The following GABRA3 variants were observed in gnomAD, a reference collection of about 807,000 sequenced individuals.
The protein encoded by GABRA3 is gamma-aminobutyric acid receptor subunit alpha-3.
A neutral mutation model predicts 30.1 loss-of-function variants in GABRA3; 10 were observed. The observed-to-expected ratio is 0.33, with a 90% CI of 0.20 to 0.56. The LOEUF (loss-of-function observed/expected upper bound fraction) is 0.56, where lower values mean the gene tolerates loss of function less well. Among genes scored for constraint, GABRA3 ranks in the 20% least tolerant of loss-of-function variants. The pLI is 0.89. For synonymous variants in GABRA3, 151 were observed against 146.8 expected (o/e 1.03, Z -0.21); for missense variants, 233 against 392.0 (o/e 0.59, Z 3.42).
chrX:152,208,394 T>C (rs1186198687), intron 6 of GABRA3, among the ~76,000 whole-genome samples: 2 of 112,047 alleles, frequency 1.8e-5, no homozygotes, highest in Admixed American at 1.9e-4. Context: ...CATACTTCAA[T>C]GACTGTCTTC....
At chrX:152,361,503 A>T (rs146677999) in intron 2 of GABRA3, among the ~76,000 whole-genome samples, 1,892 of 105,197 alleles carry the variant, frequency 0.018, 21 homozygotes, top group Non-Finnish European at 0.028. Context: ...AACCCAGGAC[A>T]CGGAAGTTGC....
chrX:152,398,164 G>T (rs1389377908), intron 1 of GABRA3, among the ~76,000 whole-genome samples: 1 of 111,401 alleles, frequency 9.0e-6, no homozygotes, highest in Non-Finnish European at 1.9e-5. Flanking sequence ...TCCCAAGCAT[G>T]CCTAAGTCCT....
intron 9 of GABRA3, among the ~76,000 whole-genome samples, chrX:152,172,951 T>TACACACACACAC (rs58184376): frequency 4.9e-5 from 5 of 102,605 alleles, no homozygotes; most frequent in African/African-American, 1.8e-4. Context: ...CGAGTATGTG[T>TACACACACACAC]ACACACACAC....
intron 5 of GABRA3, among the ~76,000 whole-genome samples, chrX:152,245,838 G>A (rs921382138): frequency 7.2e-5 from 8 of 111,457 alleles, no homozygotes; most frequent in African/African-American, 2.0e-4. Flanking sequence ...AGTCTTAGAC[G>A]TTACCACATA....
chrX:152,238,636 GT>G (rs1938283859), intron 5 of GABRA3, among the ~76,000 whole-genome samples: 1 of 108,837 alleles, frequency 9.2e-6, no homozygotes, highest in Admixed American at 9.8e-5. Flanking sequence ...ACTCTTTTTG[GT>G]TGGTAAACTA....
chrX:152,324,702 A>G (rs1940024710), intron 3 of GABRA3, among the ~76,000 whole-genome samples: 1 of 111,897 alleles, frequency 8.9e-6, no homozygotes, highest in African/African-American at 3.2e-5. Context: ...ACAGATAAAA[A>G]TTATAGTCAA....
rs747309033 is a variant in GABRA3, at chrX:152,241,975, C to T, written c.551+13803G>A. On this transcript the variant is annotated intron_variant, in intron 5 of 9. Transcript: ENST00000370314. Reference sequence around the variant, plus strand: ...GAAATCACCCGTCTTCTGCGTCGCTCACGCTGGGAGCTGTAGACCGGAGCT... The same window carrying T: ...GAAATCACCCGTCTTCTGCGTCGCTTACGCTGGGAGCTGTAGACCGGAGCT... Among the ~76,000 whole-genome samples the T allele has an allele frequency of 1.7e-4, 19 of 111,872 alleles. No homozygotes were observed. The East Asian group carries it at 4.6e-3, about 27-fold the overall frequency.
rs769196692 is a variant in GABRA3, at chrX:152,375,150, C to T, written c.-26-10554G>A. Among the ~76,000 whole-genome samples, 42 of 111,454 alleles carry T rather than the reference C, an allele frequency of 3.8e-4. 1 individual carries two copies. In the South Asian group the frequency reaches 0.015, roughly 39 times the overall value. The stretch of plus-strand genomic sequence containing the variant: ...AAACTACTTTAAAATTAATATGGAA[C>T]CAAAAAAGAGCCCAAATAGTTAATC... On this transcript the variant is annotated intron_variant, in intron 1 of 9. Transcript: ENST00000370314.
At chrX:152,259,270 C>G (rs1446574746) in intron 4 of GABRA3, among the ~76,000 whole-genome samples, 1 of 111,519 alleles carries the variant, frequency 9.0e-6, no homozygotes, top group African/African-American at 3.3e-5. Context: ...GCTCTGGAGC[C>G]CTAAGTAAAC....
chrX:152,231,274 T>TATATACAC (rs1394361511), intron 5 of GABRA3, among the ~76,000 whole-genome samples: 7 of 101,578 alleles, frequency 6.9e-5, no homozygotes, highest in Admixed American at 5.6e-4. Context: ...TATACACGTA[T>TATATACAC]ATATGTATAC....
intron 1 of GABRA3, among the ~76,000 whole-genome samples, chrX:152,432,412 A>G (rs1156772263): frequency 8.9e-6 from 1 of 111,732 alleles, no homozygotes; most frequent in Admixed American, 9.5e-5. Flanking sequence ...AACAAAAAGC[A>G]AACTTTAAAA....
chrX:152,378,299 G>C (rs1432501897), intron 1 of GABRA3, among the ~76,000 whole-genome samples: 1 of 111,676 alleles, frequency 9.0e-6, no homozygotes, highest in African/African-American at 3.2e-5. Flanking sequence ...TTCAGATATT[G>C]AATTTATCAG....
At chrX:152,236,680 T>C (rs1490750728) in intron 5 of GABRA3, among the ~76,000 whole-genome samples, 3 of 106,944 alleles carry the variant, frequency 2.8e-5, no homozygotes, top group Admixed American at 1.0e-4. Flanking sequence ...TTTTAATGAT[T>C]GCCATTCTAA....
At chrX:152,321,989 T>C (rs772350303) in intron 3 of GABRA3, among the ~76,000 whole-genome samples, 7 of 111,912 alleles carry the variant, frequency 6.3e-5, no homozygotes, top group Admixed American at 4.8e-4. Flanking sequence ...ATTCCACTCC[T>C]AGGTATAAAA....
intron 5 of GABRA3, among the ~76,000 whole-genome samples, chrX:152,254,370 T>C (rs922104260): frequency 9.1e-6 from 1 of 110,386 alleles, no homozygotes; most frequent in Non-Finnish European, 1.9e-5. Flanking sequence ...ATCTTATCCT[T>C]TGTCTTCTCA....
chrX:152,400,241 G>A (rs936481881), intron 1 of GABRA3, among the ~76,000 whole-genome samples: 4 of 111,051 alleles, frequency 3.6e-5, no homozygotes, highest in Non-Finnish European at 5.7e-5. Context: ...CCAGTGCTTC[G>A]GGAGACTGAG....
intron 5 of GABRA3, among the ~76,000 whole-genome samples, chrX:152,241,783 A>G (rs763785948): frequency 1.8e-5 from 2 of 109,788 alleles, no homozygotes; most frequent in East Asian, 2.9e-4. Flanking sequence ...TGCGTCCGTC[A>G]CCCCTTTCTT....
chrX:152,272,724 T>A (rs1332061401), intron 4 of GABRA3, among the ~76,000 whole-genome samples: 1 of 111,435 alleles, frequency 9.0e-6, no homozygotes, highest in Admixed American at 9.5e-5. Flanking sequence ...AATCCCCACG[T>A]GTGGTGGGAG....
chrX:152,201,557 G>A (rs1462170585), intron 7 of GABRA3, among the ~76,000 whole-genome samples: 1 of 111,630 alleles, frequency 9.0e-6, no homozygotes, highest in Non-Finnish European at 1.9e-5. Context: ...GGCCCTTTAA[G>A]TGATTTGGGG....
Sources: gnomAD v4.1 joint callset for allele counts (sites outside exome capture counted in the v4.1 genomes callset) on GRCh38, gnomAD v4.1.1 for gene constraint, MANE v1.5 for transcripts, NCBI Gene and HGNC (gene_info 2026-07-23, HGNC 2026-07-21) for gene names.